MRPL33: variants seen among roughly 807,000 people sequenced by gnomAD.
The protein encoded by MRPL33 is mitochondrial ribosomal protein L33.
MRPL33 carries 5 observed loss-of-function variants against 10.1 expected under a neutral mutation model. The observed-to-expected ratio is 0.49, with a 90% CI of 0.26 to 1.04. The LOEUF (loss-of-function observed/expected upper bound fraction) is 1.04, where lower values mean the gene tolerates loss of function less well. MRPL33 is among the 50% of genes least tolerant of loss of function. MRPL33 has a pLI of 0.14. For missense variants in MRPL33, 79 were observed against 78.1 expected, an observed-to-expected ratio of 1.01 and a Z score of -0.04; for synonymous variants, 24 against 27.7, an observed-to-expected ratio of 0.87 and a Z score of 0.42.
chr2:27,777,061 T>A (rs982564945), intron 3 of MRPL33, among the ~76,000 whole-genome samples: 6 of 152,350 alleles, frequency 3.9e-5, no homozygotes, highest in South Asian at 2.1e-4. Flanking sequence ...TTTAATTTTT[T>A]AAAATAGAGA....
chr2:27,772,852 T>C lies in MRPL33; in HGVS notation c.41+160T>C, dbSNP rs1028718939. The C allele has an allele frequency of 2.9e-5, 18 of 612,570 alleles. No homozygotes were observed. The South Asian group carries it at 3.9e-4, about 13-fold the overall frequency. The allele number at this position is 612,570 out of a possible 1,614,324, so 37.9% of individuals were successfully genotyped here. ...AGTTGATTATTTTTTCTTTATGAAC[T>C]CTTTCAAAAATATTTTCCCTCCTGC... On this transcript the variant is annotated intron_variant, in intron 2 of 3. Transcript: ENST00000296102.
At chr2:27,772,025 T>C in intron 1 of MRPL33, 1 of 519,228 alleles carries the variant, frequency 1.9e-6, no homozygotes, top group Non-Finnish European at 3.4e-6. Flanking sequence ...TGGATTCAAT[T>C]GCCGTCCTCA....
chr2:27,779,686 TTATC>T lies in MRPL33; in HGVS notation c.*206_*209del, dbSNP rs1331468419. 13 of 967,120 alleles carry T rather than the reference TTATC, an allele frequency of 1.3e-5. No individual in the cohort carries two copies. Among genetic ancestry groups the T allele is most frequent in the Middle Eastern group, 2.5e-4 (1 of 3,954 alleles). The allele number at this position is 967,120 out of a possible 1,614,324, so 59.9% of individuals were successfully genotyped here. A position where few individuals can be genotyped will look rare whatever the true frequency, so the allele number is the denominator to read the frequency against. ...ACAGATATCATTGCATCACATTTAT[TTATC>T]TTTCTGGGTATTTTTATAGCCCTTA... On this transcript the variant is annotated 3_prime_UTR_variant, in exon 4 of 4. Coordinates refer to ENST00000296102, the MANE Select transcript of MRPL33 (RefSeq NM_004891.4).
chr2:27,773,828 GGTCT>G (rs1677097422), intron 2 of MRPL33, among the ~76,000 whole-genome samples: 1 of 152,242 alleles, frequency 6.6e-6, no homozygotes, highest in Admixed American at 6.5e-5. Flanking sequence ...AAAATAACAT[GGTCT>G]ACATGGGGAG....
At chr2:27,774,569 C>T in intron 3 of MRPL33, 39 bp downstream of exon 3, 1 of 1,529,566 alleles carries the variant, frequency 6.5e-7, no homozygotes, top group Non-Finnish European at 9.1e-7. Flanking sequence ...AGGCCTGTTG[C>T]CCCCTTTGTA....
chr2:27,773,989 CTCTT>C (rs1677100043), intron 2 of MRPL33, among the ~76,000 whole-genome samples: 1 of 152,126 alleles, frequency 6.6e-6, no homozygotes, highest in Admixed American at 6.5e-5. Context: ...AAGCTTTAGT[CTCTT>C]TATTTTGTCC....
At chr2:27,779,402 T>C in intron 3 of MRPL33, 31 bp from the exon 4 acceptor site, 1 of 1,582,560 alleles carries the variant, frequency 6.3e-7, no homozygotes, top group Non-Finnish European at 8.5e-7. Context: ...TTAATAATTT[T>C]CTGCCACAAT....
intron 1 of MRPL33, chr2:27,772,152 C>A (rs1158750600): frequency 6.2e-6 from 2 of 324,542 alleles, no homozygotes; most frequent in Non-Finnish European, 1.1e-5. Flanking sequence ...ATAAGGAAAC[C>A]GCTCCCGAGA....
chr2:27,776,236 C>G (rs1187673154), intron 3 of MRPL33, among the ~76,000 whole-genome samples: 1 of 152,240 alleles, frequency 6.6e-6, no homozygotes, highest in Non-Finnish European at 1.5e-5. Context: ...GACAGCACAA[C>G]TTTGTCTTTT....
Position 27,779,498 on chromosome 2 carries a change from T to C in MRPL33, c.*16T>C. The C allele has an allele frequency of 6.2e-7, 1 of 1,613,208 alleles. No homozygotes were observed. The highest frequency in any genetic ancestry group is 8.5e-7 in the Non-Finnish European group (1 of 1,179,750). ...CTCCCTTTAAACGGTGGATTGAAAA[T>C]GACTTTGATTTATAAAGAGAAGACT... On this transcript the variant is annotated 3_prime_UTR_variant, in exon 4 of 4. Transcript: ENST00000296102.
intron 1 of MRPL33, chr2:27,772,027 C>T (rs1348202861): frequency 3.7e-5 from 19 of 517,676 alleles, no homozygotes; most frequent in Non-Finnish European, 6.5e-5. Context: ...GATTCAATTG[C>T]CGTCCTCACG....
rs1323231647 is a variant in MRPL33 at position 27,779,573 on chromosome 2, A to G, written c.*91A>G. 6.3e-7 allele frequency: 1 copy of G among 1,591,240 alleles called. No individual in the cohort carries two copies. The highest frequency in any genetic ancestry group is 2.2e-5 in the East Asian group (1 of 44,678). On this transcript the variant is annotated 3_prime_UTR_variant, in exon 4 of 4. Transcript: ENST00000296102. ...ATCCTGTAGCGTGTAATAAAAGAAG[A>G]GGAAATGGCATGGAATCACTGCCTC...
At chr2:27,772,580 T>C in intron 1 of MRPL33, 94 bp from the exon 2 acceptor site, 1 of 939,228 alleles carries the variant, frequency 1.1e-6, no homozygotes, top group Non-Finnish European at 1.6e-6. Flanking sequence ...TAAATATTTT[T>C]GGTTATTACT....
intron 3 of MRPL33, among the ~76,000 whole-genome samples, chr2:27,774,756 G>A (rs1313010160): frequency 1.3e-5 from 2 of 152,250 alleles, no homozygotes. Context: ...GAGAGGGGGA[G>A]AAAAGATGAC....
At chr2:27,773,171 A>T (rs1266439630) in intron 2 of MRPL33, among the ~76,000 whole-genome samples, 1 of 152,258 alleles carries the variant, frequency 6.6e-6, no homozygotes, top group African/African-American at 2.4e-5. Flanking sequence ...AGCCAAGATT[A>T]AAGATTCCAT....
In MRPL33 at chr2:27,773,147, AG is replaced by A. The variant is rs3838594; in HGVS notation, c.41+456del. 1.1e-4 allele frequency among the ~76,000 whole-genome samples: 16 copies of A among 152,350 alleles called. No individual in the cohort carries two copies. In the East Asian group the frequency reaches 2.9e-3, roughly 28 times the overall value. On this transcript the variant is annotated intron_variant, in intron 2 of 3. Coordinates refer to ENST00000296102, the MANE Select transcript of MRPL33 (RefSeq NM_004891.4). The stretch of plus-strand genomic sequence containing the variant: ...TGTAATCCTTTGCATTCATGGTATA[AG>A]CATTTCAAAAATAGCCAAGATTAAA...
In MRPL33 at chr2:27,774,314, A is replaced by G. The variant is rs549246097; in HGVS notation, c.42-110A>G. On this transcript the variant is annotated intron_variant, in intron 2 of 3. Coordinates refer to ENST00000296102, the MANE Select transcript of MRPL33 (RefSeq NM_004891.4). ...ACTGAACCTTTTAGGGCCAAGTGAT[A>G]TCTCACAACTAATATTACCCTACAG... The G allele has an allele frequency of 4.8e-6, 4 of 835,704 alleles. No homozygotes were observed. In the East Asian group the frequency reaches 9.9e-5, roughly 21 times the overall value. 51.8% of individuals were successfully genotyped at this position (835,704 alleles called of 1,614,324 possible).
chr2:27,779,643 A>G lies in MRPL33; in HGVS notation c.*161A>G, dbSNP rs1467238219. On this transcript the variant is annotated 3_prime_UTR_variant, in exon 4 of 4. Transcript: ENST00000296102. ...GTGAAGGAAAACAATGCAGTGAAAG[A>G]AAGTTCTTCATATTAGGACAGATAT... 9.2e-6 allele frequency: 13 copies of G among 1,418,140 alleles called. No homozygotes were observed. The East Asian group carries it at 2.8e-4, about 31-fold the overall frequency. 87.8% of individuals were successfully genotyped at this position (1,418,140 alleles called of 1,614,324 possible). A position where few individuals can be genotyped will look rare whatever the true frequency, so the allele number is the denominator to read the frequency against.
chr2:27,774,248 AC>A (rs914320136), intron 2 of MRPL33, among the ~76,000 whole-genome samples, 175 bp from the exon 3 acceptor site: 1 of 152,206 alleles, frequency 6.6e-6, no homozygotes, highest in African/African-American at 2.4e-5. Context: ...GAGATTTGAA[AC>A]CATTGAAACT....
Sources: allele counts gnomAD v4.1 joint callset (sites outside exome capture counted in the v4.1 genomes callset), GRCh38; gene constraint gnomAD v4.1.1; transcripts MANE v1.5; gene names NCBI Gene and HGNC (gene_info 2026-07-23, HGNC 2026-07-21).